Variants in SAMD15 observed in about 807,000 individuals in gnomAD.
SAMD15 encodes sterile alpha motif domain containing 15, also known as sterile alpha motif domain-containing protein 15.
SAMD15 carries 37 observed loss-of-function variants against 50.5 expected under a neutral mutation model. The ratio of observed to expected loss-of-function variants is 0.73; its 90% confidence interval spans 0.56 to 0.96. SAMD15 has a LOEUF of 0.96. Among genes scored for constraint, SAMD15 ranks in the 40% least tolerant of loss-of-function variants. SAMD15 has a pLI of 0.00. For synonymous variants in SAMD15, 255 were observed against 282.8 expected (o/e 0.90, Z 0.99); for missense variants, 789 against 783.8 (o/e 1.01, Z -0.08).
chr14:77,385,975 G>C (rs932851833), intron 2 of SAMD15, among the ~76,000 whole-genome samples: 1 of 151,448 alleles, frequency 6.6e-6, no homozygotes, highest in Non-Finnish European at 1.5e-5. Flanking sequence ...AGCCTCCCGG[G>C]TAGCTGGGAC....
chr14:77,385,417 C>A (rs1305426425), intron 2 of SAMD15, among the ~76,000 whole-genome samples: 1 of 151,854 alleles, frequency 6.6e-6, no homozygotes, highest in African/African-American at 2.4e-5. Flanking sequence ...TCCCGAGTAG[C>A]TGGGATTACA....
In SAMD15 at chr14:77,378,938, T is replaced by G; in HGVS notation, c.1520T>G (p.Phe507Cys). 6.2e-7 allele frequency: 1 copy of G among 1,614,154 alleles called. No homozygotes were observed. The highest frequency in any genetic ancestry group is 8.5e-7 in the Non-Finnish European group (1 of 1,180,014). The change falls in exon 1 of 3, where the codon TTC becomes TGC. Residue 507 changes from phenylalanine (F) to cysteine (C), a missense_variant. By Grantham distance (205) the Phe-to-Cys change is radical. Coordinates refer to ENST00000216471, the MANE Select transcript of SAMD15 (RefSeq NM_001010860.4). ...PSESQTELSE[F>C]VHEKEVVDLS... ...GAGTCTCAGACAGAATTAAGTGAGT[T>G]CGTTCATGAAAAGGAAGTTGTAGAT...
intron 2 of SAMD15, among the ~76,000 whole-genome samples, chr14:77,382,096 C>T (rs368667329): frequency 1.3e-4 from 19 of 151,764 alleles, no homozygotes; most frequent in African/African-American, 4.3e-4. Context: ...GCAACCATGC[C>T]CAGCTAATTT....
intron 2 of SAMD15, among the ~76,000 whole-genome samples, chr14:77,380,788 C>A (rs936348972): frequency 2.0e-5 from 3 of 152,054 alleles, no homozygotes; most frequent in Admixed American, 2.0e-4. Context: ...CTCAATGGAC[C>A]CTTTGGATTC....
At position 77,390,868 on chromosome 14, in the gene SAMD15, C is replaced by T. The variant is rs1429451579; in HGVS notation, c.1789-140C>T. ...TCGCGCCACTGCACTCCAGCCTGGGCGACAGAGCAAGACTTCGTCTCAAAA... is the reference window on the plus strand; with the variant it reads ...TCGCGCCACTGCACTCCAGCCTGGGTGACAGAGCAAGACTTCGTCTCAAAA... On this transcript the variant is annotated intron_variant, in intron 2 of 2. Transcript: ENST00000216471. The T allele has an allele frequency of 3.8e-5, 25 of 656,224 alleles. 1 individual carries two copies. The highest frequency in any genetic ancestry group is 6.1e-5 in the Non-Finnish European group (23 of 374,010). 40.7% of individuals were successfully genotyped at this position (656,224 alleles called of 1,614,324 possible).
chr14:77,391,460 G>GGC lies in SAMD15; in HGVS notation c.*217_*218dup. On this transcript the variant is annotated 3_prime_UTR_variant, in exon 3 of 3. Transcript: ENST00000216471. ...AGCCTCCCGAGTAGCTGGGATTACA[G>GGC]GCATCCGCCATCATGCCCAGCTAAT... The GGC allele has an allele frequency of 7.1e-6, 3 of 424,040 alleles. No homozygotes were observed. The highest frequency in any genetic ancestry group is 1.2e-5 in the Non-Finnish European group (3 of 241,100). The allele number at this position is 424,040 out of a possible 1,614,324, so 26.3% of individuals were successfully genotyped here.
rs536030756 is a variant in SAMD15 at position 77,381,207 on chromosome 14, T to C, written c.1788+726T>C. 1.2e-4 allele frequency among the ~76,000 whole-genome samples: 18 copies of C among 152,198 alleles called. 1 individual carries two copies. Among genetic ancestry groups the C allele is most frequent in the Non-Finnish European group, 2.2e-4 (15 of 68,034 alleles). On this transcript the variant is annotated intron_variant, in intron 2 of 2. Transcript: ENST00000216471. ...CCCATTTGGCACTTATATAACACCA[T>C]ATGTATTTTGCCTGCTTTGCTGCCT...
At chr14:77,386,066 G>C (rs1894002538) in intron 2 of SAMD15, among the ~76,000 whole-genome samples, 1 of 151,956 alleles carries the variant, frequency 6.6e-6, no homozygotes, top group Non-Finnish European at 1.5e-5. Flanking sequence ...ATATTGCCCA[G>C]GCTGGTCTTA....
intron 2 of SAMD15, among the ~76,000 whole-genome samples, chr14:77,387,896 AG>A (rs928341547): frequency 1.3e-5 from 2 of 152,108 alleles, no homozygotes; most frequent in African/African-American, 4.8e-5. Flanking sequence ...CCAAAAAAAA[AG>A]CAGGGTATGT....
rs769242047 is a variant in SAMD15 at position 77,380,369 on chromosome 14, T to G, written c.1690-14T>G. 2.5e-5 allele frequency: 39 copies of G among 1,559,480 alleles called. No homozygotes were observed. The highest frequency in any genetic ancestry group is 3.3e-5 in the Admixed American group (2 of 59,868). Reference sequence around the variant, plus strand: ...CAGTACATTTTTTAAGTGATGTCCTTGTTGTATTGACAGGAGTGTTTTATC... The same window carrying G: ...CAGTACATTTTTTAAGTGATGTCCTGGTTGTATTGACAGGAGTGTTTTATC... On this transcript the variant is annotated splice_polypyrimidine_tract_variant and intron_variant, in intron 1 of 2. Coordinates refer to ENST00000216471, the MANE Select transcript of SAMD15 (RefSeq NM_001010860.4).
At chr14:77,390,884 C>T (rs575131202) in intron 2 of SAMD15, 124 bp from the exon 3 acceptor site, 195 of 697,382 alleles carry the variant, frequency 2.8e-4, no homozygotes, top group African/African-American at 2.0e-3. Context: ...AGCAAGACTT[C>T]GTCTCAAAAA....
chr14:77,380,544 C>T (rs1893932729), intron 2 of SAMD15, 63 bp downstream of exon 2: 21 of 1,132,286 alleles, frequency 1.9e-5, no homozygotes, highest in Non-Finnish European at 2.5e-5. Context: ...TGTCTCAAAC[C>T]AACCTTTTTT....
rs1454518670 is a variant in SAMD15, at chr14:77,377,439, T to C, written c.21T>C (p.Asp7=). The change falls in exon 1 of 3, where the codon GAT becomes GAC. Residue 7 remains aspartate (D), a synonymous_variant. Coordinates refer to ENST00000216471, the MANE Select transcript of SAMD15 (RefSeq NM_001010860.4). Reference sequence around the variant, plus strand: ...TGCAAATGGCTGAAGTCCCGGAGGATTATGATTCCGGCCCAGATGAAGATG... The same window carrying C: ...TGCAAATGGCTGAAGTCCCGGAGGACTATGATTCCGGCCCAGATGAAGATG... MAEVPE[D]YDSGPDEDGE... is the part of the protein sequence containing the mutation. The C allele has an allele frequency of 1.7e-5, 28 of 1,611,058 alleles. No individual in the cohort carries two copies. The highest frequency in any genetic ancestry group is 2.3e-5 in the Non-Finnish European group (27 of 1,178,792).
At chr14:77,383,163 TA>T (rs765143631) in intron 2 of SAMD15, among the ~76,000 whole-genome samples, 10 of 152,196 alleles carry the variant, frequency 6.6e-5, no homozygotes, top group Admixed American at 3.9e-4. Context: ...ATTTTCTAGA[TA>T]AAAATAAGGA....
chr14:77,385,278 T>TC (rs950341794), intron 2 of SAMD15, among the ~76,000 whole-genome samples: 2 of 102,940 alleles, frequency 1.9e-5, no homozygotes, highest in African/African-American at 6.4e-5. Flanking sequence ...CCCACTTGCC[T>TC]TTTTTTTTCT....
chr14:77,379,123 ATGT>A lies in SAMD15; in HGVS notation c.1689+18_1689+20del, dbSNP rs746573635. 26 of 1,602,184 alleles carry A rather than the reference ATGT, an allele frequency of 1.6e-5. No homozygotes were observed. The highest frequency in any genetic ancestry group is 2.1e-5 in the Non-Finnish European group (25 of 1,174,026). The stretch of plus-strand genomic sequence containing the variant: ...TCAATACAAGGTATACAAAAATAAG[ATGT>A]TTTGAAATCACATGCTGTCATCCGT... On this transcript the variant is annotated intron_variant, in intron 1 of 2. Transcript: ENST00000216471.
chr14:77,380,738 A>G (rs1893934612), intron 2 of SAMD15, among the ~76,000 whole-genome samples: 1 of 151,998 alleles, frequency 6.6e-6, no homozygotes, highest in African/African-American at 2.4e-5. Context: ...TTATGGCCTC[A>G]TGCCTAGAAC....
chr14:77,388,360 G>A (rs1894030843), intron 2 of SAMD15, among the ~76,000 whole-genome samples: 1 of 150,296 alleles, frequency 6.7e-6, no homozygotes, highest in East Asian at 2.0e-4. Context: ...TCACAAACAA[G>A]AAGTCTTAGA....
In SAMD15 at chr14:77,391,120, A is replaced by C. The variant is rs1894067637; in HGVS notation, c.1901A>C (p.His634Pro). 1.2e-6 allele frequency: 2 copies of C among 1,613,800 alleles called. No individual in the cohort carries two copies. The highest frequency in any genetic ancestry group is 2.7e-5 in the African/African-American group (2 of 74,930). ...GGCTTATATTTAGAGCAAAAAGGTC[A>C]TACTGGGATAAAATCTGATTCCTTG... Reference protein sequence around the residue: ...IIGLYLEQKGHTGIKSDSLTL... With the variant: ...IIGLYLEQKGPTGIKSDSLTL... The change falls in exon 3 of 3, where the codon CAT becomes CCT. Residue 634 changes from histidine to proline, a missense_variant. His to Pro is a moderately conservative substitution (Grantham distance 77). Around this residue, in one of 2 missense-constraint regions of SAMD15, gnomAD observed 770 missense variants for 745.4 expected, o/e 1.03. Transcript: ENST00000216471.
Sources: gnomAD v4.1 joint callset for allele counts (sites outside exome capture counted in the v4.1 genomes callset) on GRCh38, gnomAD v4.1.1 for gene constraint, gnomAD v4.1.1 regional missense constraint, MANE v1.5 for transcripts, NCBI Gene and HGNC (gene_info 2026-07-23, HGNC 2026-07-21) for gene names.